The following EGLN1 variants were observed in gnomAD, a reference collection of about 807,000 sequenced individuals.
EGLN1 encodes egl nine homolog 1.
In EGLN1, 17 loss-of-function variants were observed where a neutral mutation model predicts 38.3. The observed-to-expected ratio is 0.44, with a 90% CI of 0.30 to 0.67. The LOEUF (loss-of-function observed/expected upper bound fraction) is 0.67, where lower values mean the gene tolerates loss of function less well. Among genes scored for constraint, EGLN1 ranks in the 30% least tolerant of loss-of-function variants. The pLI is 0.08. For missense variants in EGLN1, 477 were observed against 603.3 expected (o/e 0.79, Z 2.19); for synonymous variants, 283 against 257.5 (o/e 1.10, Z -0.95).
At chr1:231,418,789 G>C (rs979244658) in intron 1 of EGLN1, among the ~76,000 whole-genome samples, 16 of 151,514 alleles carry the variant, frequency 1.1e-4, no homozygotes, top group Non-Finnish European at 2.4e-4. Context: ...TTGAGTCCAG[G>C]AGGTGGAAGC....
chr1:231,389,492 A>G (rs1352542415), intron 1 of EGLN1, among the ~76,000 whole-genome samples: 1 of 152,228 alleles, frequency 6.6e-6, no homozygotes, highest in Non-Finnish European at 1.5e-5. Flanking sequence ...GAGTAGGTTT[A>G]GCCTGGAGAA....
At chr1:231,366,620 A>G (rs1687655080) in intron 4 of EGLN1, 145 bp from the exon 5 acceptor site, 1 of 808,800 alleles carries the variant, frequency 1.2e-6, no homozygotes, top group African/African-American at 1.7e-5. Context: ...TTGTACTTCC[A>G]AAAACTTCCC....
At chr1:231,420,305 C>T (rs566042916) in intron 1 of EGLN1, 2 of 152,406 alleles carry the variant, frequency 1.3e-5, no homozygotes, top group Non-Finnish European at 1.5e-5. Flanking sequence ...ATAAAGGAAA[C>T]TGGTGCTAAA....
chr1:231,385,486 A>C (rs924938209), intron 1 of EGLN1, among the ~76,000 whole-genome samples: 1 of 152,240 alleles, frequency 6.6e-6, no homozygotes, highest in Admixed American at 6.5e-5. Context: ...GGCATATTCC[A>C]GGAAGAGAAA....
intron 3 of EGLN1, 23 bp downstream of exon 3, chr1:231,370,539 T>A (rs1430893773): frequency 3.1e-6 from 5 of 1,612,652 alleles, no homozygotes; most frequent in East Asian, 4.5e-5. Flanking sequence ...TCTAAACCAA[T>A]TTTTTCTGAA....
intron 1 of EGLN1, among the ~76,000 whole-genome samples, chr1:231,393,602 A>G (rs1319922401): frequency 6.6e-6 from 1 of 152,226 alleles, no homozygotes; most frequent in African/African-American, 2.4e-5. Context: ...GGCTATTATT[A>G]TATCACTGAA....
intron 1 of EGLN1, among the ~76,000 whole-genome samples, chr1:231,386,374 T>G (rs1688206544): frequency 6.6e-6 from 1 of 152,222 alleles, no homozygotes; most frequent in South Asian, 2.1e-4. Context: ...TTTTAAGAGC[T>G]GAAGTGTTTA....
chr1:231,414,733 CTT>C (rs71179779), intron 1 of EGLN1, among the ~76,000 whole-genome samples: 11 of 129,470 alleles, frequency 8.5e-5, no homozygotes, highest in Admixed American at 8.1e-5. Flanking sequence ...AATCCCAGCA[CTT>C]TTTTTTTTTT....
chr1:231,408,093 C>A (rs566384274), intron 1 of EGLN1, among the ~76,000 whole-genome samples: 1 of 152,204 alleles, frequency 6.6e-6, no homozygotes, highest in African/African-American at 2.4e-5. Context: ...CCTTTCCTTC[C>A]CCTGCCCTTA....
chr1:231,364,055 A>C lies in EGLN1; in HGVS notation c.*2356T>G, dbSNP rs1687571522. 1 of 152,244 alleles carries C rather than the reference A, an allele frequency of 6.6e-6. No homozygotes were observed. Among genetic ancestry groups the C allele is most frequent in the Non-Finnish European group, 1.5e-5 (1 of 68,046 alleles). The allele number at this position is 152,244 out of a possible 1,614,324, so 9.4% of individuals were successfully genotyped here. ...TTGGTGACAAGTTAATAGTCCCACTAACATGAAATGAATGGATATTAAATA... is the reference window on the plus strand; with the variant it reads ...TTGGTGACAAGTTAATAGTCCCACTCACATGAAATGAATGGATATTAAATA... On this transcript the variant is annotated 3_prime_UTR_variant, in exon 5 of 5. Transcript: ENST00000366641.
intron 1 of EGLN1, among the ~76,000 whole-genome samples, chr1:231,416,299 C>T (rs1191336659): frequency 6.6e-6 from 1 of 151,870 alleles, no homozygotes; most frequent in Non-Finnish European, 1.5e-5. Flanking sequence ...ACATCTGGCC[C>T]GGAATCCATT....
intron 2 of EGLN1, among the ~76,000 whole-genome samples, chr1:231,373,345 C>G (rs1001490334): frequency 1.3e-5 from 2 of 152,120 alleles, no homozygotes; most frequent in Non-Finnish European, 2.9e-5. Flanking sequence ...TAATCTCCCC[C>G]AAAAGCCATT....
intron 1 of EGLN1, among the ~76,000 whole-genome samples, chr1:231,406,086 C>T (rs564042573): frequency 1.4e-5 from 2 of 138,230 alleles, no homozygotes; most frequent in South Asian, 2.3e-4. Flanking sequence ...GGCATGAACC[C>T]GGGAGGCGGA....
intron 1 of EGLN1, among the ~76,000 whole-genome samples, chr1:231,393,340 C>A (rs1035080482): frequency 1.3e-5 from 2 of 152,098 alleles, no homozygotes; most frequent in Admixed American, 1.3e-4. Context: ...TATAACACGT[C>A]AGGTATCAAT....
intron 4 of EGLN1, 34 bp from the exon 5 acceptor site, chr1:231,366,509 T>C: frequency 6.3e-7 from 1 of 1,595,026 alleles, no homozygotes; most frequent in Non-Finnish European, 8.6e-7. Context: ...TTTTCATTCA[T>C]TCACTAAGCA....
Position 231,411,278 on chromosome 1 carries a change from G to A in EGLN1, c.891+9720C>T, listed in dbSNP as rs187543742. ...AATTCTCCCCGCCTCCTTCTGTCACGTAAGACATGCCTTGCTTCCCTTTTG... is the reference window on the plus strand; with the variant it reads ...AATTCTCCCCGCCTCCTTCTGTCACATAAGACATGCCTTGCTTCCCTTTTG... On this transcript the variant is annotated intron_variant, in intron 1 of 4. Coordinates refer to ENST00000366641, the MANE Select transcript of EGLN1 (RefSeq NM_022051.3). 6.6e-4 allele frequency among the ~76,000 whole-genome samples: 101 copies of A among 152,246 alleles called. 1 individual carries two copies. Among genetic ancestry groups the A allele is most frequent in the Middle Eastern group, 3.4e-3 (1 of 294 alleles).
intron 1 of EGLN1, among the ~76,000 whole-genome samples, chr1:231,381,364 G>A (rs971427650): frequency 4.6e-5 from 7 of 152,204 alleles, no homozygotes; most frequent in Admixed American, 2.0e-4. Context: ...AATTATCAAT[G>A]TAAAGTTTTT....
At chr1:231,368,359 A>G (rs565381725) in intron 3 of EGLN1, among the ~76,000 whole-genome samples, 81 of 152,358 alleles carry the variant, frequency 5.3e-4, no homozygotes, top group African/African-American at 1.9e-3. Flanking sequence ...TATAGCAAAG[A>G]GTAATGATGG....
intron 1 of EGLN1, among the ~76,000 whole-genome samples, chr1:231,374,597 G>A (rs1009899225): frequency 2.6e-5 from 4 of 151,448 alleles, no homozygotes; most frequent in Non-Finnish European, 4.4e-5. Context: ...GGCTCACTGC[G>A]GCCTCAACCT....
Sources: gnomAD v4.1 joint callset for allele counts (sites outside exome capture counted in the v4.1 genomes callset) on GRCh38, gnomAD v4.1.1 for gene constraint, MANE v1.5 for transcripts, NCBI Gene and HGNC (gene_info 2026-07-23, HGNC 2026-07-21) for gene names.